The following HS3ST5 variants were observed in gnomAD, a reference collection of about 807,000 sequenced individuals.
HS3ST5 encodes the protein heparan sulfate glucosamine 3-O-sulfotransferase 5.
HS3ST5 carries 10 observed loss-of-function variants against 25.4 expected under a neutral mutation model. The observed-to-expected ratio is 0.39, with a 90% CI of 0.24 to 0.67. The LOEUF is 0.67. Among genes scored for constraint, HS3ST5 ranks in the 30% least tolerant of loss-of-function variants. HS3ST5 has a pLI of 0.44. For synonymous variants in HS3ST5, 170 were observed against 162.4 expected, an observed-to-expected ratio of 1.05 and a Z score of -0.36; for missense variants, 324 against 420.7, an observed-to-expected ratio of 0.77 and a Z score of 2.01.
At chr6:114,205,060 A>G (rs1440539265) in intron 2 of HS3ST5, among the ~76,000 whole-genome samples, 2 of 152,140 alleles carry the variant, frequency 1.3e-5, no homozygotes, top group Admixed American at 1.3e-4. Context: ...TTTCCAAACA[A>G]CACCCAATTC....
intron 2 of HS3ST5, among the ~76,000 whole-genome samples, chr6:114,224,697 T>TACACACACAC (rs67203600): frequency 3.8e-4 from 56 of 145,686 alleles, no homozygotes; most frequent in Middle Eastern, 6.9e-3. Flanking sequence ...CATATATATA[T>TACACACACAC]ATACACACAC....
intron 3 of HS3ST5, among the ~76,000 whole-genome samples, chr6:114,151,194 C>A (rs1012003141): frequency 1.3e-5 from 2 of 152,188 alleles, no homozygotes; most frequent in Non-Finnish European, 2.9e-5. Context: ...TTTGTCCCAG[C>A]ATTATCTGAC....
intron 1 of HS3ST5, among the ~76,000 whole-genome samples, chr6:114,264,839 G>A (rs1406035938): frequency 6.6e-6 from 1 of 152,134 alleles, no homozygotes. Flanking sequence ...GAAAGTTGAA[G>A]AAAGGATAAG....
chr6:114,263,886 G>GT lies in HS3ST5; in HGVS notation c.-338-35109dup, dbSNP rs1012967755. ...ACCCATATTCATTTGCAAGGAGATA[G>GT]TTTTTTTTTTTATAATTAAGGGAGT... On this transcript the variant is annotated intron_variant, in intron 1 of 4. Transcript: ENST00000312719. 2.0e-3 allele frequency among the ~76,000 whole-genome samples: 292 copies of GT among 146,376 alleles called. 2 individuals carry two copies. The highest frequency in any genetic ancestry group is 4.4e-3 in the African/African-American group (176 of 40,154).
intron 2 of HS3ST5, among the ~76,000 whole-genome samples, chr6:114,203,114 A>C (rs1276174216): frequency 2.0e-5 from 3 of 152,226 alleles, no homozygotes; most frequent in East Asian, 1.9e-4. Context: ...AAACATGTAC[A>C]TTTCACGTTA....
intron 3 of HS3ST5, among the ~76,000 whole-genome samples, chr6:114,071,066 A>G (rs1257550189): frequency 2.0e-5 from 3 of 152,178 alleles, no homozygotes; most frequent in Non-Finnish European, 4.4e-5. Flanking sequence ...CTGTAACTCC[A>G]CATACCCTAC....
chr6:114,182,635 T>C (rs1315716532), intron 2 of HS3ST5, among the ~76,000 whole-genome samples: 2 of 152,128 alleles, frequency 1.3e-5, no homozygotes, highest in Admixed American at 1.3e-4. Flanking sequence ...TTAGTCTCCA[T>C]GAACAAAGAC....
At chr6:114,164,789 A>C (rs943619504) in intron 3 of HS3ST5, among the ~76,000 whole-genome samples, 1 of 152,202 alleles carries the variant, frequency 6.6e-6, no homozygotes, top group African/African-American at 2.4e-5. Flanking sequence ...GATTAATGAC[A>C]TTATCTAAAC....
chr6:114,262,330 A>G lies in HS3ST5; in HGVS notation c.-338-33552T>C, dbSNP rs546793018. ...TGGGAGGTCGAGGAGGGCTGATCACAAGTTCAGGAGATCAAGACCATCCTG... is the reference window on the plus strand; with the variant it reads ...TGGGAGGTCGAGGAGGGCTGATCACGAGTTCAGGAGATCAAGACCATCCTG... On this transcript the variant is annotated intron_variant, in intron 1 of 4. Coordinates refer to ENST00000312719, the MANE Select transcript of HS3ST5 (RefSeq NM_153612.4). 7.9e-5 allele frequency among the ~76,000 whole-genome samples: 12 copies of G among 152,230 alleles called. No homozygotes were observed. The East Asian group carries it at 1.5e-3, about 20-fold the overall frequency.
intron 1 of HS3ST5, among the ~76,000 whole-genome samples, chr6:114,308,587 AAAAAACAAAAAC>A (rs961446365): frequency 5.3e-5 from 8 of 152,108 alleles, no homozygotes; most frequent in African/African-American, 1.9e-4. Context: ...ACTCTGTCTC[AAAAAACAAAAAC>A]AAAAACAAAA....
intron 1 of HS3ST5, among the ~76,000 whole-genome samples, chr6:114,303,862 T>A (rs1775184416): frequency 6.6e-6 from 1 of 152,154 alleles, no homozygotes; most frequent in Admixed American, 6.6e-5. Flanking sequence ...AATGTGATTT[T>A]CCATATCAAG....
intron 3 of HS3ST5, among the ~76,000 whole-genome samples, chr6:114,132,551 A>T (rs1464792648): frequency 6.6e-6 from 1 of 152,218 alleles, no homozygotes. Flanking sequence ...CATTTTCCGT[A>T]CTGTTTACCT....
At chr6:114,307,603 G>A (rs766843608) in intron 1 of HS3ST5, among the ~76,000 whole-genome samples, 4 of 151,878 alleles carry the variant, frequency 2.6e-5, no homozygotes, top group Non-Finnish European at 4.4e-5. Flanking sequence ...CATAACATAC[G>A]CAATTCCTAT....
chr6:114,333,958 C>A (rs1450459508), intron 1 of HS3ST5, among the ~76,000 whole-genome samples: 1 of 152,092 alleles, frequency 6.6e-6, no homozygotes, highest in Non-Finnish European at 1.5e-5. Context: ...CATCTGCAAG[C>A]CCATCAGTCC....
In HS3ST5 at chr6:114,127,232, A is replaced by T. The variant is rs189832063; in HGVS notation, c.-33+41119T>A. Among the ~76,000 whole-genome samples the T allele has an allele frequency of 4.6e-5, 7 of 152,268 alleles. No individual in the cohort carries two copies. In the East Asian group the frequency reaches 1.4e-3, roughly 30 times the overall value. On this transcript the variant is annotated intron_variant, in intron 3 of 4. Coordinates refer to ENST00000312719, the MANE Select transcript of HS3ST5 (RefSeq NM_153612.4). ...TGAAACCCCATCTCTATTAAAAACA[A>T]AAACAAAAAACAAATTCCTCCGTTA...
At chr6:114,260,213 T>C (rs187399762) in intron 1 of HS3ST5, among the ~76,000 whole-genome samples, 1 of 152,292 alleles carries the variant, frequency 6.6e-6, no homozygotes, top group Admixed American at 6.5e-5. Context: ...TCTTATATCA[T>C]CTATTCTAAT....
At chr6:114,278,432 A>C (rs533494213) in intron 1 of HS3ST5, among the ~76,000 whole-genome samples, 10 of 152,122 alleles carry the variant, frequency 6.6e-5, no homozygotes, top group African/African-American at 2.4e-4. Context: ...AATTTCTCCC[A>C]AATAAATAGT....
intron 1 of HS3ST5, among the ~76,000 whole-genome samples, chr6:114,303,329 G>T (rs915483732): frequency 2.2e-4 from 15 of 69,664 alleles, no homozygotes; most frequent in African/African-American, 8.3e-4. Context: ...CACCTCAAAA[G>T]AAACCTGCCA....
At chr6:114,304,784 G>A (rs973104504) in intron 1 of HS3ST5, among the ~76,000 whole-genome samples, 9 of 152,056 alleles carry the variant, frequency 5.9e-5, no homozygotes, top group Admixed American at 5.9e-4. Context: ...TGTTTTATAT[G>A]TTTGAAAAGT....
Sources: allele counts gnomAD v4.1 joint callset (sites outside exome capture counted in the v4.1 genomes callset), GRCh38; gene constraint gnomAD v4.1.1; transcripts MANE v1.5; gene names NCBI Gene and HGNC (gene_info 2026-07-23, HGNC 2026-07-21).